Variants in ADGRV1 observed in about 807,000 individuals in gnomAD.
ADGRV1 encodes adhesion G protein-coupled receptor V1, also known as G-protein coupled receptor 98.
ADGRV1 carries 359 observed loss-of-function variants against 596.2 expected under a neutral mutation model. The ratio of observed to expected loss-of-function variants is 0.60; its 90% CI spans 0.55 to 0.66. ADGRV1 has a LOEUF of 0.66. ADGRV1 is among the 30% of genes least tolerant of loss of function. The pLI, the probability that ADGRV1 is intolerant of heterozygous loss-of-function variation, is 0.00. For missense variants in ADGRV1, 7,274 were observed against 7,575.6 expected (o/e 0.96, Z 1.48); for synonymous variants, 2,681 against 2,679.2 (o/e 1.00, Z -0.02).
rs1016699929 is a variant in ADGRV1 at position 90,925,632 on chromosome 5, C to T, written c.17857-39783C>T. On this transcript the variant is annotated intron_variant, in intron 83 of 89. Coordinates refer to ENST00000405460, the MANE Select transcript of ADGRV1 (RefSeq NM_032119.4). ...ACTGAATACCCTTTATTTCCTTCTC[C>T]TGCCTAATTGCCCTGGCCAGAACTT... 1.7e-4 allele frequency among the ~76,000 whole-genome samples: 26 copies of T among 149,618 alleles called. No homozygotes were observed. In the South Asian group the frequency reaches 3.9e-3, roughly 22 times the overall value.
chr5:91,105,955 A>G (rs1281982206), intron 87 of ADGRV1, among the ~76,000 whole-genome samples: 2 of 150,852 alleles, frequency 1.3e-5, no homozygotes, highest in African/African-American at 4.8e-5. Context: ...CCTTTTATTT[A>G]TATTTAATAG....
intron 85 of ADGRV1, among the ~76,000 whole-genome samples, chr5:91,063,498 C>A (rs1342181143): frequency 6.6e-6 from 1 of 152,070 alleles, no homozygotes; most frequent in East Asian, 1.9e-4. Flanking sequence ...TTTAAATTGT[C>A]AAATCCTAGA....
intron 85 of ADGRV1, among the ~76,000 whole-genome samples, chr5:91,048,797 C>T (rs929508585): frequency 4.6e-5 from 7 of 152,110 alleles, no homozygotes; most frequent in Non-Finnish European, 1.0e-4. Context: ...ATCAAAACTT[C>T]CAGTTTAACA....
chr5:90,678,513 A>G (rs991200476), intron 25 of ADGRV1, among the ~76,000 whole-genome samples: 1 of 150,472 alleles, frequency 6.6e-6, no homozygotes, highest in Non-Finnish European at 1.5e-5. Flanking sequence ...TCGTGCTGCT[A>G]TAACAGAATA....
At chr5:91,045,366 A>G (rs1376813322) in intron 85 of ADGRV1, among the ~76,000 whole-genome samples, 1 of 152,228 alleles carries the variant, frequency 6.6e-6, no homozygotes, top group Non-Finnish European at 1.5e-5. Context: ...CATACCAGGC[A>G]TGCAGGGATG....
chr5:91,011,751 A>AGG (rs200182345), intron 85 of ADGRV1, among the ~76,000 whole-genome samples: 7 of 151,352 alleles, frequency 4.6e-5, no homozygotes, highest in African/African-American at 1.7e-4. Context: ...TGATAAGGCC[A>AGG]GGGGGGAAAA....
intron 1 of ADGRV1, among the ~76,000 whole-genome samples, chr5:90,611,208 G>A (rs1189050506): frequency 2.0e-5 from 3 of 151,910 alleles, no homozygotes; most frequent in African/African-American, 4.8e-5. Context: ...CATTGTAAGA[G>A]CTGGTCTAAT....
At chr5:90,726,548 A>T (rs372254058) in intron 48 of ADGRV1, among the ~76,000 whole-genome samples, 1 of 152,144 alleles carries the variant, frequency 6.6e-6, no homozygotes, top group East Asian at 1.9e-4. Context: ...TGTAATCATT[A>T]TACATTCCAC....
chr5:90,805,078 G>A, intron 71 of ADGRV1: 1 of 375,478 alleles, frequency 2.7e-6, no homozygotes. Flanking sequence ...ATTAAAAAAA[G>A]AAAAAGCTAT....
intron 21 of ADGRV1, among the ~76,000 whole-genome samples, chr5:90,663,409 T>C (rs1332078874): frequency 1.3e-5 from 2 of 151,280 alleles, no homozygotes; most frequent in Non-Finnish European, 2.9e-5. Flanking sequence ...ATAAATGTCT[T>C]CTTTTGAGAA....
chr5:91,061,174 G>A (rs185907661), intron 85 of ADGRV1, among the ~76,000 whole-genome samples: 2 of 152,278 alleles, frequency 1.3e-5, no homozygotes, highest in East Asian at 3.9e-4. Context: ...ATATTTTCCA[G>A]TACCAAACAA....
chr5:91,089,566 G>T (rs1352514901), intron 86 of ADGRV1, among the ~76,000 whole-genome samples: 1 of 152,068 alleles, frequency 6.6e-6, no homozygotes, highest in Admixed American at 6.6e-5. Context: ...AATAGTTCTG[G>T]GAACTGACAT....
chr5:90,610,932 T>C (rs16868836), intron 1 of ADGRV1, among the ~76,000 whole-genome samples: 1,896 of 152,102 alleles, frequency 0.012, 40 homozygotes, highest in African/African-American at 0.043. Context: ...TTGCCCCAAT[T>C]ATCACAATCC....
At chr5:90,680,928 A>G (rs1744848547) in intron 26 of ADGRV1, among the ~76,000 whole-genome samples, 1 of 152,202 alleles carries the variant, frequency 6.6e-6, no homozygotes, top group Admixed American at 6.5e-5. Flanking sequence ...CCAGAATGGG[A>G]AACTACTTAT....
chr5:90,966,451 G>A (rs1778465946), intron 84 of ADGRV1, among the ~76,000 whole-genome samples: 1 of 145,500 alleles, frequency 6.9e-6, no homozygotes, highest in Non-Finnish European at 1.5e-5. Flanking sequence ...AGAATCACTT[G>A]AACCCAGGAG....
chr5:90,766,751 G>T (rs1014045769), intron 59 of ADGRV1, among the ~76,000 whole-genome samples: 1 of 152,150 alleles, frequency 6.6e-6, no homozygotes, highest in African/African-American at 2.4e-5. Context: ...TCAAAGTTTG[G>T]TCGGACATTT....
chr5:90,665,127 T>C (rs1409341698), intron 21 of ADGRV1, among the ~76,000 whole-genome samples: 1 of 149,880 alleles, frequency 6.7e-6, no homozygotes, highest in Non-Finnish European at 1.5e-5. Context: ...GCTGGCCTCA[T>C]AAAATGAGTT....
intron 77 of ADGRV1, among the ~76,000 whole-genome samples, chr5:90,840,229 C>T (rs546466478): frequency 7.2e-5 from 11 of 152,162 alleles, no homozygotes; most frequent in African/African-American, 2.4e-4. Flanking sequence ...ATAAATATTC[C>T]TCCTTTTCCT....
intron 85 of ADGRV1, among the ~76,000 whole-genome samples, chr5:90,994,036 T>C (rs1781200001): frequency 6.6e-6 from 1 of 151,884 alleles, no homozygotes; most frequent in Admixed American, 6.6e-5. Flanking sequence ...GAAATCTTCA[T>C]TTTGGGTATT....
Sources: allele counts gnomAD v4.1 joint callset (sites outside exome capture counted in the v4.1 genomes callset), GRCh38; gene constraint gnomAD v4.1.1; transcripts MANE v1.5; gene names NCBI Gene and HGNC (gene_info 2026-07-23, HGNC 2026-07-21).